The following COQ8A variants were observed in gnomAD, a reference collection of about 807,000 sequenced individuals.
The protein encoded by COQ8A is atypical kinase COQ8A, mitochondrial.
In COQ8A, 51 loss-of-function variants were observed where a neutral mutation model predicts 65.0. That is an observed-to-expected ratio of 0.78 (90% CI 0.63 to 0.99). COQ8A has a LOEUF of 0.99. Ranked by LOEUF, COQ8A falls within the 50% of genes least tolerant of loss-of-function variation. The probability of loss-of-function intolerance (pLI) is 0.00; values close to 1 mark genes in which losing one functional copy is unlikely to be tolerated. For synonymous variants in COQ8A, 371 were observed against 353.2 expected, an observed-to-expected ratio of 1.05 and a Z score of -0.57; for missense variants, 940 against 875.0, an observed-to-expected ratio of 1.07 and a Z score of -0.94.
intron 1 of COQ8A, among the ~76,000 whole-genome samples, chr1:226,950,898 G>A (rs1432174497): frequency 1.3e-5 from 2 of 152,010 alleles, no homozygotes; most frequent in African/African-American, 2.4e-5. Context: ...CAACTTTCAA[G>A]GGAACTTGAA....
chr1:226,948,137 A>C (rs1264301271), intron 1 of COQ8A, among the ~76,000 whole-genome samples: 2 of 152,200 alleles, frequency 1.3e-5, no homozygotes, highest in South Asian at 2.1e-4. Flanking sequence ...GGAGGTTAGA[A>C]GTCTGAAATT....
Position 226,984,868 on chromosome 1 carries a change from G to A in COQ8A, c.1507-8G>A. ...GGGCCAAACTTCTCCTGGTGTCTCT[G>A]TCCCCAGGTGGCTCTTTTGGATTTT... On this transcript the variant is annotated splice_polypyrimidine_tract_variant and splice_region_variant and intron_variant, in intron 12 of 14. Transcript: ENST00000366777. 1 of 1,614,154 alleles carries A rather than the reference G, an allele frequency of 6.2e-7. No individual in the cohort carries two copies. Among genetic ancestry groups the A allele is most frequent in the Non-Finnish European group, 8.5e-7 (1 of 1,180,010 alleles).
rs536700426 is a variant in COQ8A, at chr1:226,969,784, C to A, written c.655+4047C>A. 2.0e-5 allele frequency among the ~76,000 whole-genome samples: 3 copies of A among 152,022 alleles called. No individual in the cohort carries two copies. The Middle Eastern group carries it at 0.01, about 517-fold the overall frequency. On this transcript the variant is annotated intron_variant, in intron 4 of 14. Transcript: ENST00000366777. ...GTTTTTTGTGTGTTTTAAGTGTAGA[C>A]TGATAATCTTACAATGAGAATATTT...
intron 3 of COQ8A, 123 bp from the exon 4 acceptor site, chr1:226,965,548 T>C: frequency 6.7e-7 from 1 of 1,495,294 alleles, no homozygotes; most frequent in Non-Finnish European, 9.2e-7. Flanking sequence ...CTTGGTGGAG[T>C]GTGCTGTCAG....
Position 226,965,757 on chromosome 1 carries a change from C to T in COQ8A, c.655+20C>T. 1 of 1,612,160 alleles carries T rather than the reference C, an allele frequency of 6.2e-7. No individual in the cohort carries two copies. The highest frequency in any genetic ancestry group is 8.5e-7 in the Non-Finnish European group (1 of 1,179,248). On this transcript the variant is annotated intron_variant, in intron 4 of 14. Transcript: ENST00000366777. Reference sequence around the variant, plus strand: ...TCGGAGGTAAGGTGGCTGTGTGCCCCTGGACTGCCTCACCTGCCCTGCCTG... The same window carrying T: ...TCGGAGGTAAGGTGGCTGTGTGCCCTTGGACTGCCTCACCTGCCCTGCCTG...
At chr1:226,940,876 C>A (rs1386667725) in intron 1 of COQ8A, among the ~76,000 whole-genome samples, 3 of 152,160 alleles carry the variant, frequency 2.0e-5, no homozygotes, top group Admixed American at 6.6e-5. Flanking sequence ...ACTTTGACTT[C>A]CTTGGCTGGA....
chr1:226,945,684 A>C (rs962005118), intron 1 of COQ8A, among the ~76,000 whole-genome samples: 3 of 152,128 alleles, frequency 2.0e-5, no homozygotes, highest in African/African-American at 7.2e-5. Flanking sequence ...TGCTGTTTAC[A>C]CCTGCTTGGT....
At position 226,982,087 on chromosome 1, in the gene COQ8A, T is replaced by G; in HGVS notation, c.791T>G (p.Val264Gly). 6.2e-7 allele frequency: 1 copy of G among 1,612,478 alleles called. No homozygotes were observed. Among genetic ancestry groups the G allele is most frequent in the Non-Finnish European group, 8.5e-7 (1 of 1,179,894 alleles). Residue 264 changes from valine (V) to glycine (G), a missense_variant, in exon 6 of 15, where the codon GTG becomes GGG. Val to Gly is a moderately radical substitution (Grantham distance 109). Coordinates refer to ENST00000366777, the MANE Select transcript of COQ8A (RefSeq NM_020247.5). ...FLSEANAERI[V>G]RTLCKVRGAA... Reference sequence around the variant, plus strand: ...TCCGAGGCCAATGCAGAGCGGATCGTGCGCACGCTCTGCAAGGTGCGTGGT... The same window carrying G: ...TCCGAGGCCAATGCAGAGCGGATCGGGCGCACGCTCTGCAAGGTGCGTGGT...
intron 1 of COQ8A, among the ~76,000 whole-genome samples, chr1:226,953,183 C>A (rs1001070722): frequency 6.6e-6 from 1 of 152,150 alleles, no homozygotes; most frequent in South Asian, 2.1e-4. Context: ...GCGCATGCCA[C>A]CACGCTTGGA....
chr1:226,983,012 G>T lies in COQ8A; in HGVS notation c.1058G>T (p.Arg353Leu), dbSNP rs763194902. The T allele has an allele frequency of 6.3e-7, 1 of 1,592,070 alleles. No individual in the cohort carries two copies. Residue 353 changes from arginine to leucine, a missense_variant, in exon 8 of 15, where the codon CGC becomes CTC. By Grantham distance (102) the Arg-to-Leu change is moderately radical (BLOSUM62 -2). Coordinates refer to ENST00000366777, the MANE Select transcript of COQ8A (RefSeq NM_020247.5). ...QVHLARMKGG[R>L]EVAMKIQYPG... is the part of the protein sequence containing the mutation. ...CACTTGGCCCGAATGAAGGGCGGCC[G>T]CGAGGTGGCCATGAAGATCCAGGTA...
intron 2 of COQ8A, among the ~76,000 whole-genome samples, chr1:226,963,297 C>T (rs765786963): frequency 1.3e-5 from 2 of 152,240 alleles, no homozygotes; most frequent in Non-Finnish European, 2.9e-5. Flanking sequence ...CTCAGTGCTT[C>T]GCTTTTCCGT....
intron 1 of COQ8A, among the ~76,000 whole-genome samples, chr1:226,940,896 T>C (rs2147988585): frequency 6.6e-6 from 1 of 152,360 alleles, no homozygotes; most frequent in Admixed American, 6.5e-5. Flanking sequence ...AGCCAGCTGT[T>C]GGGCTTCGCA....
chr1:226,975,236 C>G (rs1170641909), intron 4 of COQ8A, among the ~76,000 whole-genome samples: 1 of 152,200 alleles, frequency 6.6e-6, no homozygotes, highest in Non-Finnish European at 1.5e-5. Flanking sequence ...GGGCTTTCTA[C>G]AGCGAGAGAA....
rs1312867086 is a variant in COQ8A at position 226,984,161 on chromosome 1, G to A, written c.1324G>A (p.Val442Met). ...TGTGGATGAGCTCTGCAGCCCACATGTGCTGACCACAGAGCTGGTGTCTGG... is the reference window on the plus strand; with the variant it reads ...TGTGGATGAGCTCTGCAGCCCACATATGCTGACCACAGAGCTGGTGTCTGG... The part of the protein sequence containing the change: ...EIVDELCSPH[V>M]LTTELVSGFP... Residue 442 changes from valine (V) to methionine (M), a missense_variant, in exon 11 of 15, where the codon GTG becomes ATG. Coordinates refer to ENST00000366777, the MANE Select transcript of COQ8A (RefSeq NM_020247.5). 12 of 1,613,914 alleles carry A rather than the reference G, an allele frequency of 7.4e-6. No individual in the cohort carries two copies. The highest frequency in any genetic ancestry group is 1.7e-5 in the Admixed American group (1 of 60,014).
chr1:226,984,193 C>T lies in COQ8A; in HGVS notation c.1356C>T (p.Pro452=). ...VLTTELVSGF[P]LDQAEGLSQE... ...CCACAGAGCTGGTGTCTGGCTTCCCCCTGGACCAGGCCGAAGGGCTCAGCC... is the reference window on the plus strand; with the variant it reads ...CCACAGAGCTGGTGTCTGGCTTCCCTCTGGACCAGGCCGAAGGGCTCAGCC... The change falls in exon 11 of 15, where the codon CCC becomes CCT. Residue 452 remains proline, a synonymous_variant. Transcript: ENST00000366777. The T allele has an allele frequency of 6.2e-7, 1 of 1,613,840 alleles. No homozygotes were observed. The highest frequency in any genetic ancestry group is 8.5e-7 in the Non-Finnish European group (1 of 1,180,000).
At chr1:226,978,099 C>CACT (rs1659369048) in intron 5 of COQ8A, among the ~76,000 whole-genome samples, 1 of 146,496 alleles carries the variant, frequency 6.8e-6, no homozygotes, top group African/African-American at 2.5e-5. Flanking sequence ...ACCGAACACC[C>CACT]GCACACGTCA....
At chr1:226,978,143 A>T (rs927628213) in intron 5 of COQ8A, among the ~76,000 whole-genome samples, 1 of 145,034 alleles carries the variant, frequency 6.9e-6, no homozygotes, top group Non-Finnish European at 1.5e-5. Flanking sequence ...ACACCCACAC[A>T]TCTTACCCTC....
intron 2 of COQ8A, 87 bp from the exon 3 acceptor site, chr1:226,964,913 G>A (rs1658465473): frequency 4.8e-6 from 7 of 1,467,720 alleles, no homozygotes; most frequent in Non-Finnish European, 6.6e-6. Flanking sequence ...GATGCTGGTG[G>A]TGTGCTGTCC....
At chr1:226,965,770 C>T (rs747797043) in intron 4 of COQ8A, 33 bp downstream of exon 4, 4 of 1,604,760 alleles carry the variant, frequency 2.5e-6, no homozygotes, top group Non-Finnish European at 2.6e-6. Context: ...GACTGCCTCA[C>T]CTGCCCTGCC....
Sources: allele counts gnomAD v4.1 joint callset (sites outside exome capture counted in the v4.1 genomes callset), GRCh38; gene constraint gnomAD v4.1.1; transcripts MANE v1.5; gene names NCBI Gene and HGNC (gene_info 2026-07-23, HGNC 2026-07-21).